The following NRXN3 variants were observed in gnomAD, a reference collection of about 807,000 sequenced individuals.
NRXN3 encodes the protein neurexin III.
A neutral mutation model predicts 137.6 loss-of-function variants in NRXN3; 32 were observed. The ratio of observed to expected loss-of-function variants is 0.23; its 90% CI spans 0.18 to 0.31. The LOEUF is 0.31. NRXN3 is among the 10% of genes least tolerant of loss of function. NRXN3 has a pLI of 1.00. For synonymous variants in NRXN3, 798 were observed against 784.5 expected (o/e 1.02, Z -0.29); for missense variants, 1,574 against 2,062.5 (o/e 0.76, Z 4.59).
chr14:79,689,693 G>C (rs1219799048), intron 17 of NRXN3, among the ~76,000 whole-genome samples: 3 of 152,030 alleles, frequency 2.0e-5, no homozygotes, highest in Non-Finnish European at 2.9e-5. Context: ...CCTTCCCCAT[G>C]TCACTTACTG....
intron 10 of NRXN3, among the ~76,000 whole-genome samples, chr14:78,842,414 G>A (rs2099015159): frequency 6.6e-6 from 1 of 152,054 alleles, no homozygotes; most frequent in South Asian, 2.1e-4. Flanking sequence ...TTCCAAAAGG[G>A]GAGGGAGTGT....
intron 19 of NRXN3, among the ~76,000 whole-genome samples, chr14:79,707,838 G>T (rs2098787195): frequency 6.6e-6 from 1 of 152,052 alleles, no homozygotes; most frequent in African/African-American, 2.4e-5. Context: ...AGAAGTAAAA[G>T]AAAGGAGAAG....
intron 4 of NRXN3, among the ~76,000 whole-genome samples, chr14:78,365,818 A>G (rs1466969139): frequency 1.3e-5 from 2 of 152,224 alleles, no homozygotes; most frequent in Non-Finnish European, 2.9e-5. Flanking sequence ...TTGGCTCTGG[A>G]GATGTAGCAG....
At chr14:78,679,918 G>A (rs552811356) in intron 6 of NRXN3, among the ~76,000 whole-genome samples, 2 of 152,138 alleles carry the variant, frequency 1.3e-5, no homozygotes, top group East Asian at 3.9e-4. Context: ...AATGTTTAAG[G>A]ACATGAGATT....
At chr14:78,260,655 G>A (rs749000093) in intron 2 of NRXN3, among the ~76,000 whole-genome samples, 4 of 152,178 alleles carry the variant, frequency 2.6e-5, no homozygotes, top group Non-Finnish European at 5.9e-5. Context: ...CCCAAGATCT[G>A]ATGGTTTTAA....
At chr14:79,830,207 T>A (rs2099318667) in intron 20 of NRXN3, among the ~76,000 whole-genome samples, 1 of 152,216 alleles carries the variant, frequency 6.6e-6, no homozygotes, top group South Asian at 2.1e-4. Context: ...GTACCTTAGT[T>A]GTAACTTTGA....
At chr14:78,495,440 A>C (rs1805474196) in intron 4 of NRXN3, among the ~76,000 whole-genome samples, 1 of 152,146 alleles carries the variant, frequency 6.6e-6, no homozygotes, top group Non-Finnish European at 1.5e-5. Flanking sequence ...GTATCAGAGC[A>C]GAAAAAGGGG....
rs147013752 is a variant in NRXN3 at position 78,450,912 on chromosome 14, G to GGT, written c.757+153070_757+153071dup. ...CTGGGCTTTAGATGACGGTGTTTGGGGTGTGTGTGTGTGTGTGTGAGTGTG... is the reference window on the plus strand; with the variant it reads ...CTGGGCTTTAGATGACGGTGTTTGGGGTGTGTGTGTGTGTGTGTGTGAGTGTG... On this transcript the variant is annotated intron_variant, in intron 4 of 20. Coordinates refer to ENST00000335750, the MANE Select transcript of NRXN3 (RefSeq NM_001330195.2). Among the ~76,000 whole-genome samples the GGT allele has an allele frequency of 3.6e-3, 537 of 150,220 alleles. 4 individuals are homozygous for GGT. Among genetic ancestry groups the GGT allele is most frequent in the East Asian group, 0.018 (94 of 5,118 alleles).
chr14:78,544,618 G>A (rs1477190824), intron 4 of NRXN3, among the ~76,000 whole-genome samples: 1 of 152,188 alleles, frequency 6.6e-6, no homozygotes, highest in Non-Finnish European at 1.5e-5. Context: ...GGCTCATAGA[G>A]GCTGCGTGAC....
In NRXN3 at chr14:78,899,202, AAGAAGAGGG is replaced by A. The variant is rs376940954; in HGVS notation, c.2276-58037_2276-58029del. ...CTTTGGGAAAACAGGAAGAGAGAAA[AAGAAGAGGG>A]AGGAGAGGGAGGGAGCTAAAAACAA... On this transcript the variant is annotated intron_variant, in intron 10 of 20. Coordinates refer to ENST00000335750, the MANE Select transcript of NRXN3 (RefSeq NM_001330195.2). Among the ~76,000 whole-genome samples, 1,020 of 152,064 alleles carry A rather than the reference AAGAAGAGGG, an allele frequency of 6.7e-3. 12 individuals carry two copies. The highest frequency in any genetic ancestry group is 0.023 in the African/African-American group (967 of 41,504).
chr14:79,549,616 G>C (rs1460954675), intron 16 of NRXN3, among the ~76,000 whole-genome samples: 1 of 152,074 alleles, frequency 6.6e-6, no homozygotes, highest in African/African-American at 2.4e-5. Context: ...CAAAAAGTGT[G>C]AGCAGGGGCA....
intron 15 of NRXN3, among the ~76,000 whole-genome samples, chr14:79,130,999 G>A (rs1383794149): frequency 2.0e-5 from 3 of 152,010 alleles, no homozygotes; most frequent in Non-Finnish European, 2.9e-5. Context: ...CATTCTTCAC[G>A]TAGTTCTCGA....
chr14:79,434,490 C>T (rs1749984172), intron 15 of NRXN3, among the ~76,000 whole-genome samples: 1 of 152,160 alleles, frequency 6.6e-6, no homozygotes, highest in Admixed American at 6.5e-5. Context: ...GCAAAAAGGC[C>T]CATGGCCGGA....
chr14:78,741,954 A>T (rs968227658), intron 8 of NRXN3, among the ~76,000 whole-genome samples: 3 of 152,138 alleles, frequency 2.0e-5, no homozygotes, highest in African/African-American at 7.2e-5. Context: ...ACTGGACTAA[A>T]TGCCTTAAAA....
chr14:78,266,466 T>C (rs1190927417), intron 2 of NRXN3, among the ~76,000 whole-genome samples: 2 of 152,016 alleles, frequency 1.3e-5, no homozygotes, highest in Non-Finnish European at 2.9e-5. Flanking sequence ...GCCCAGCTAA[T>C]TTTTGTATTT....
chr14:79,521,587 C>A (rs1434800477), intron 16 of NRXN3, among the ~76,000 whole-genome samples: 2 of 152,084 alleles, frequency 1.3e-5, no homozygotes, highest in African/African-American at 4.8e-5. Context: ...CAGAAAAAAA[C>A]ATGCATGTAT....
intron 10 of NRXN3, among the ~76,000 whole-genome samples, chr14:78,947,366 A>C (rs2099367563): frequency 6.6e-6 from 1 of 152,224 alleles, no homozygotes; most frequent in South Asian, 2.1e-4. Flanking sequence ...ATCTGAAAAT[A>C]CCGTATTCCC....
At chr14:78,410,223 G>T (rs1321795206) in intron 4 of NRXN3, among the ~76,000 whole-genome samples, 1 of 152,216 alleles carries the variant, frequency 6.6e-6, no homozygotes, top group Non-Finnish European at 1.5e-5. Flanking sequence ...TGAAAGTGGA[G>T]AACCAGTAAG....
At chr14:78,456,300 T>C (rs2094699065) in intron 4 of NRXN3, among the ~76,000 whole-genome samples, 1 of 152,170 alleles carries the variant, frequency 6.6e-6, no homozygotes, top group Non-Finnish European at 1.5e-5. Flanking sequence ...GCGGCTCAGG[T>C]TTGCTTCTCT....
Sources: allele counts gnomAD v4.1 joint callset (sites outside exome capture counted in the v4.1 genomes callset), GRCh38; gene constraint gnomAD v4.1.1; transcripts MANE v1.5; gene names NCBI Gene and HGNC (gene_info 2026-07-23, HGNC 2026-07-21).